CA10: variants seen among roughly 807,000 people sequenced by gnomAD.
CA10 encodes carbonic anhydrase-related protein 10.
In CA10, 14 loss-of-function variants were observed where a neutral mutation model predicts 44.2. The observed-to-expected ratio is 0.32, with a 90% CI of 0.21 to 0.50. CA10 has a LOEUF of 0.50. Ranked by LOEUF, CA10 falls within the 20% of genes least tolerant of loss-of-function variation. The pLI is 0.99. For missense variants in CA10, 350 were observed against 409.7 expected, an observed-to-expected ratio of 0.85 and a Z score of 1.26; for synonymous variants, 159 against 141.6, an observed-to-expected ratio of 1.12 and a Z score of -0.87.
chr17:52,149,222 A>C (rs1989652497), intron 1 of CA10, among the ~76,000 whole-genome samples: 1 of 152,252 alleles, frequency 6.6e-6, no homozygotes, highest in Admixed American at 6.5e-5. Flanking sequence ...CCTGAAAGTC[A>C]CAGGCCTCAT....
intron 4 of CA10, among the ~76,000 whole-genome samples, chr17:51,684,665 T>C (rs909146672): frequency 1.3e-5 from 2 of 152,186 alleles, no homozygotes; most frequent in African/African-American, 4.8e-5. Flanking sequence ...TGGTTCTCTT[T>C]AGTATTAATT....
In CA10 at chr17:52,038,809, CT is replaced by C. The variant is rs765907023; in HGVS notation, c.136+33509del. On this transcript the variant is annotated intron_variant, in intron 2 of 8. Coordinates refer to ENST00000451037, the MANE Select transcript of CA10 (RefSeq NM_020178.5). ...AAACATTTCTCTTGCCAATTTTTTG[CT>C]TATCCTTTCCTTTTTGCCTTAATCA... is the stretch of plus-strand genomic sequence containing the variant. 5.8e-4 allele frequency among the ~76,000 whole-genome samples: 89 copies of C among 152,234 alleles called. 1 individual carries two copies. The highest frequency in any genetic ancestry group is 1.0e-3 in the Non-Finnish European group (69 of 67,988).
intron 6 of CA10, among the ~76,000 whole-genome samples, chr17:51,641,505 T>C (rs999729880): frequency 1.3e-5 from 2 of 152,232 alleles, no homozygotes; most frequent in South Asian, 2.1e-4. Flanking sequence ...TGTATCTTTA[T>C]AGTAAAGGAG....
chr17:51,785,934 T>C (rs1298141015), intron 3 of CA10, among the ~76,000 whole-genome samples: 1 of 152,240 alleles, frequency 6.6e-6, no homozygotes, highest in African/African-American at 2.4e-5. Context: ...TTCCAATCCA[T>C]GAACATGGAA....
intron 1 of CA10, chr17:52,134,902 C>T (rs756919890): frequency 3.9e-6 from 2 of 519,034 alleles, no homozygotes; most frequent in Middle Eastern, 3.2e-4. Flanking sequence ...CCCCACCATA[C>T]ACAGTTCATC....
At chr17:52,090,423 T>C (rs2143207755) in intron 1 of CA10, among the ~76,000 whole-genome samples, 1 of 152,260 alleles carries the variant, frequency 6.6e-6, no homozygotes, top group South Asian at 2.1e-4. Context: ...ACAGATCAAT[T>C]AAACAGCATT....
intron 2 of CA10, among the ~76,000 whole-genome samples, chr17:51,976,115 A>C (rs1255232717): frequency 1.3e-5 from 2 of 152,194 alleles, no homozygotes; most frequent in Non-Finnish European, 2.9e-5. Context: ...AAGAAGACAT[A>C]AATCTTAAAT....
At chr17:52,139,233 A>G (rs1690251350) in intron 1 of CA10, among the ~76,000 whole-genome samples, 1 of 152,164 alleles carries the variant, frequency 6.6e-6, no homozygotes, top group African/African-American at 2.4e-5. Flanking sequence ...TTGATTACTG[A>G]TTCTGGTCAG....
chr17:51,780,041 T>C (rs999336954), intron 3 of CA10, among the ~76,000 whole-genome samples: 2 of 151,726 alleles, frequency 1.3e-5, no homozygotes, highest in African/African-American at 4.9e-5. Context: ...CATCACGATT[T>C]GGCAATTAAT....
chr17:51,879,562 G>A (rs538946294), intron 3 of CA10, among the ~76,000 whole-genome samples: 89 of 152,224 alleles, frequency 5.8e-4, no homozygotes, highest in African/African-American at 2.0e-3. Flanking sequence ...CTACATCAAC[G>A]AAAACTCTAG....
intron 4 of CA10, among the ~76,000 whole-genome samples, chr17:51,657,588 G>A (rs1295120895): frequency 6.6e-6 from 1 of 152,186 alleles, no homozygotes; most frequent in East Asian, 1.9e-4. Context: ...TGGCAGATGG[G>A]TTCTGAAAGT....
At chr17:51,868,057 AACACACAC>A (rs34631877) in intron 3 of CA10, among the ~76,000 whole-genome samples, 8,481 of 144,896 alleles carry the variant, frequency 0.059, 284 homozygotes, top group African/African-American at 0.1. Context: ...AAGCAGGTGT[AACACACAC>A]ACACACACAC....
At chr17:52,004,239 T>G (rs1179923360) in intron 2 of CA10, among the ~76,000 whole-genome samples, 2 of 151,990 alleles carry the variant, frequency 1.3e-5, no homozygotes, top group South Asian at 2.1e-4. Context: ...AATTTCCCTA[T>G]GTTACCCTTT....
At chr17:51,971,047 A>G (rs1314016643) in intron 2 of CA10, among the ~76,000 whole-genome samples, 2 of 152,048 alleles carry the variant, frequency 1.3e-5, no homozygotes, top group Non-Finnish European at 2.9e-5. Flanking sequence ...CTAAATATGG[A>G]TTTCAAAATA....
chr17:51,922,617 TTCGATA>T (rs1982278469), intron 3 of CA10, among the ~76,000 whole-genome samples: 1 of 152,198 alleles, frequency 6.6e-6, no homozygotes, highest in Admixed American at 6.5e-5. Flanking sequence ...GTGCTGCCAC[TTCGATA>T]TCTTTAGCTC....
At chr17:51,835,964 A>G (rs1164079031) in intron 3 of CA10, among the ~76,000 whole-genome samples, 1 of 152,208 alleles carries the variant, frequency 6.6e-6, no homozygotes, top group African/African-American at 2.4e-5. Flanking sequence ...GAATAAAGGC[A>G]TGAGATGGAA....
chr17:51,664,680 C>T (rs954867694), intron 4 of CA10, among the ~76,000 whole-genome samples: 1 of 151,816 alleles, frequency 6.6e-6, no homozygotes, highest in African/African-American at 2.4e-5. Flanking sequence ...ACAATTCAGG[C>T]CAAAGCATGT....
At chr17:51,700,925 G>A (rs984003913) in intron 4 of CA10, among the ~76,000 whole-genome samples, 3 of 152,090 alleles carry the variant, frequency 2.0e-5, no homozygotes, top group African/African-American at 7.2e-5. Context: ...GGGGGTAGGA[G>A]TGGAGGGAGC....
At chr17:52,082,936 C>T (rs1173798918) in intron 1 of CA10, among the ~76,000 whole-genome samples, 2 of 152,002 alleles carry the variant, frequency 1.3e-5, no homozygotes, top group African/African-American at 4.8e-5. Flanking sequence ...TATTGTAGCT[C>T]CTTTTTGTAG....
Sources: gnomAD v4.1 joint callset for allele counts (sites outside exome capture counted in the v4.1 genomes callset) on GRCh38, gnomAD v4.1.1 for gene constraint, MANE v1.5 for transcripts, NCBI Gene and HGNC (gene_info 2026-07-23, HGNC 2026-07-21) for gene names.